Variants in VWA2 observed in about 807,000 individuals in gnomAD.
The protein encoded by VWA2 is von Willebrand factor A domain containing 2, also known as von Willebrand factor A domain-containing protein 2.
In VWA2, 73 loss-of-function variants were observed where a neutral mutation model predicts 70.4. The ratio of observed to expected loss-of-function variants is 1.04; its 90% CI spans 0.86 to 1.26. The LOEUF is 1.26. Ranked by LOEUF, VWA2 falls within the 50% of genes most tolerant of loss-of-function variation. The pLI is 0.00. For missense variants in VWA2, 1,011 were observed against 998.5 expected (o/e 1.01, Z -0.17); for synonymous variants, 407 against 423.3 (o/e 0.96, Z 0.47).
chr10:114,249,877 T>C (rs1176870209), intron 2 of VWA2, among the ~76,000 whole-genome samples: 1 of 152,190 alleles, frequency 6.6e-6, no homozygotes, highest in Non-Finnish European at 1.5e-5. Flanking sequence ...TTTTCTCATC[T>C]TACCCCGTGG....
chr10:114,256,911 A>G (rs1020269623), intron 4 of VWA2, among the ~76,000 whole-genome samples: 7 of 137,136 alleles, frequency 5.1e-5, no homozygotes, highest in African/African-American at 2.0e-4. Context: ...CACCGTCTCA[A>G]AAAAAAAAAA....
At chr10:114,270,059 C>T (rs2133355856) in intron 5 of VWA2, among the ~76,000 whole-genome samples, 1 of 152,374 alleles carries the variant, frequency 6.6e-6, no homozygotes. Flanking sequence ...GTACCTAAAT[C>T]AGTGAGTGTG....
chr10:114,265,222 A>G (rs1362625101), intron 5 of VWA2, among the ~76,000 whole-genome samples: 1 of 152,188 alleles, frequency 6.6e-6, no homozygotes, highest in Non-Finnish European at 1.5e-5. Flanking sequence ...ACTGAATTGT[A>G]CACTTTAAAA....
chr10:114,243,338 C>T (rs960335336), intron 1 of VWA2, among the ~76,000 whole-genome samples: 3 of 152,104 alleles, frequency 2.0e-5, no homozygotes, highest in Admixed American at 1.3e-4. Context: ...TTAGGGGGAG[C>T]GTGACTTTCC....
chr10:114,272,834 A>G lies in VWA2; in HGVS notation c.466A>G (p.Ile156Val), dbSNP rs376300116. 6.2e-7 allele frequency: 1 copy of G among 1,614,062 alleles called. No individual in the cohort carries two copies. Among genetic ancestry groups the G allele is most frequent in the Non-Finnish European group, 8.5e-7 (1 of 1,179,992 alleles). Residue 156 changes from isoleucine to valine, a missense_variant, in exon 6 of 14, where the codon ATC (isoleucine) becomes GTC (valine). Physicochemically the swap from Ile to Val is conservative, Grantham distance 29. Coordinates refer to ENST00000392982, the MANE Select transcript of VWA2 (RefSeq NM_001272046.2). ...RNASVPQILI[I>V]VTDGKSQGDV... is the part of the protein sequence containing the mutation. ...TGCTTCTGTGCCCCAGATCCTCATC[A>G]TCGTCACTGATGGGAAGTCCCAGGG...
intron 1 of VWA2, among the ~76,000 whole-genome samples, chr10:114,242,297 G>A (rs772334251): frequency 5.9e-5 from 9 of 152,160 alleles, no homozygotes; most frequent in South Asian, 4.1e-4. Context: ...TGTTACCTCC[G>A]TTTTAGAGAG....
At chr10:114,290,433 A>G in intron 13 of VWA2, 68 bp downstream of exon 13, 2 of 1,534,184 alleles carry the variant, frequency 1.3e-6, no homozygotes, top group Non-Finnish European at 8.8e-7. Context: ...AAGTCCCACA[A>G]ACTCAGCTGA....
chr10:114,286,906 T>A (rs1252667646), intron 11 of VWA2, among the ~76,000 whole-genome samples: 1 of 152,176 alleles, frequency 6.6e-6, no homozygotes, highest in Admixed American at 6.5e-5. Flanking sequence ...CACAGAAAAG[T>A]GTGTTCCTGG....
At chr10:114,257,845 A>T (rs1018104169) in intron 4 of VWA2, among the ~76,000 whole-genome samples, 1 of 152,176 alleles carries the variant, frequency 6.6e-6, no homozygotes, top group African/African-American at 2.4e-5. Context: ...TCTTGGTTAG[A>T]CTTGGGCCAA....
intron 5 of VWA2, among the ~76,000 whole-genome samples, chr10:114,268,813 G>T (rs1239263347): frequency 1.3e-5 from 2 of 152,050 alleles, no homozygotes; most frequent in East Asian, 3.9e-4. Flanking sequence ...TCCTGCCTCA[G>T]CCTCCCGAGT....
intron 4 of VWA2, among the ~76,000 whole-genome samples, chr10:114,258,460 G>T (rs912954267): frequency 1.3e-5 from 2 of 152,130 alleles, no homozygotes; most frequent in African/African-American, 4.8e-5. Flanking sequence ...AGCTGGGCGG[G>T]CCTGTTTCTG....
At chr10:114,268,561 A>T (rs1474859601) in intron 5 of VWA2, among the ~76,000 whole-genome samples, 1 of 152,162 alleles carries the variant, frequency 6.6e-6, no homozygotes, top group African/African-American at 2.4e-5. Context: ...TGCCCAGGAA[A>T]TATTAGCAGT....
chr10:114,261,155 G>A (rs375151775), intron 4 of VWA2, 31 bp from the exon 5 acceptor site: 177 of 1,533,896 alleles, frequency 1.2e-4, no homozygotes, highest in Middle Eastern at 3.4e-4. Flanking sequence ...CTCCAGTCTC[G>A]GGGCCCTGAG....
intron 4 of VWA2, among the ~76,000 whole-genome samples, chr10:114,258,205 T>G (rs1321289565): frequency 6.6e-6 from 1 of 152,238 alleles, no homozygotes; most frequent in Non-Finnish European, 1.5e-5. Context: ...CTGCTGCATT[T>G]TTTTGTATTC....
intron 5 of VWA2, among the ~76,000 whole-genome samples, chr10:114,265,731 G>A (rs1390813407): frequency 6.6e-6 from 1 of 152,232 alleles, no homozygotes; most frequent in Non-Finnish European, 1.5e-5. Context: ...TGAGGACATT[G>A]AGGGTGGAGA....
intron 6 of VWA2, among the ~76,000 whole-genome samples, chr10:114,276,701 T>G (rs148599370): frequency 2.6e-5 from 3 of 117,554 alleles, no homozygotes; most frequent in African/African-American, 1.1e-4. Context: ...TTTTTTTTTG[T>G]AGAGACAGGG....
intron 4 of VWA2, among the ~76,000 whole-genome samples, chr10:114,259,853 G>A (rs1213660122): frequency 2.6e-5 from 4 of 152,126 alleles, no homozygotes; most frequent in Non-Finnish European, 5.9e-5. Flanking sequence ...GTCCACTGAA[G>A]ACTGAGATTT....
chr10:114,274,472 G>A lies in VWA2; in HGVS notation c.566+1538G>A, dbSNP rs901240732. On this transcript the variant is annotated intron_variant, in intron 6 of 13. Coordinates refer to ENST00000392982, the MANE Select transcript of VWA2 (RefSeq NM_001272046.2). ...CAGCTGCAGCCTCGACTTAGGATAT[G>A]TTTGTTGTTTGTTGTTGTTTTTGAG... is the stretch of plus-strand genomic sequence containing the variant. Among the ~76,000 whole-genome samples the A allele has an allele frequency of 6.6e-5, 10 of 152,194 alleles. No homozygotes were observed. The East Asian group carries it at 1.7e-3, about 26-fold the overall frequency.
At chr10:114,266,198 G>T (rs890611084) in intron 5 of VWA2, among the ~76,000 whole-genome samples, 8 of 152,234 alleles carry the variant, frequency 5.3e-5, no homozygotes, top group Middle Eastern at 3.4e-3. Flanking sequence ...TCGGGAGGCT[G>T]AGGCAGGAGA....
Sources: gnomAD v4.1 joint callset for allele counts (sites outside exome capture counted in the v4.1 genomes callset) on GRCh38, gnomAD v4.1.1 for gene constraint, MANE v1.5 for transcripts, NCBI Gene and HGNC (gene_info 2026-07-23, HGNC 2026-07-21) for gene names.